SPATS2L: variants seen among roughly 807,000 people sequenced by gnomAD.
SPATS2L encodes the protein spermatogenesis associated serine rich 2 like.
A neutral mutation model predicts 59.6 loss-of-function variants in SPATS2L; 30 were observed. The ratio of observed to expected loss-of-function variants is 0.50; its 90% CI spans 0.38 to 0.68. SPATS2L has a LOEUF of 0.68. Ranked by LOEUF, SPATS2L falls within the 30% of genes least tolerant of loss-of-function variation. The pLI is 0.00. For synonymous variants in SPATS2L, 252 were observed against 263.5 expected (o/e 0.96, Z 0.42); for missense variants, 615 against 700.0 (o/e 0.88, Z 1.37).
chr2:200,422,568 AATG>A (rs2083356049), intron 6 of SPATS2L, among the ~76,000 whole-genome samples: 1 of 151,980 alleles, frequency 6.6e-6, no homozygotes. Context: ...AGGAAGAAGA[AATG>A]ATGGTAATGG....
At chr2:200,468,245 A>G (rs932914100) in intron 10 of SPATS2L, among the ~76,000 whole-genome samples, 1 of 151,962 alleles carries the variant, frequency 6.6e-6, no homozygotes, top group Admixed American at 6.6e-5. Context: ...GGGTACAGTT[A>G]CCAGAAGGGG....
chr2:200,446,562 C>T (rs2085062256), intron 8 of SPATS2L, among the ~76,000 whole-genome samples: 2 of 152,158 alleles, frequency 1.3e-5, no homozygotes, highest in South Asian at 4.1e-4. Context: ...CTAACCGTCT[C>T]TCCCACCTCT....
chr2:200,353,694 G>C (rs1014242177), intron 2 of SPATS2L, among the ~76,000 whole-genome samples: 1 of 152,008 alleles, frequency 6.6e-6, no homozygotes, highest in African/African-American at 2.4e-5. Flanking sequence ...AAATTCTGAA[G>C]GTATTTGCCA....
chr2:200,343,393 C>T (rs763217288), intron 2 of SPATS2L, among the ~76,000 whole-genome samples: 66 of 152,104 alleles, frequency 4.3e-4, no homozygotes, highest in Non-Finnish European at 8.8e-4. Flanking sequence ...ATTATGGATA[C>T]AAGCACATCT....
At chr2:200,331,641 C>T (rs528271270) in intron 2 of SPATS2L, among the ~76,000 whole-genome samples, 2 of 152,162 alleles carry the variant, frequency 1.3e-5, no homozygotes, top group South Asian at 2.1e-4. Flanking sequence ...TCAAGTTAGT[C>T]CCCCTCTCTG....
chr2:200,324,894 G>A (rs1271039899), intron 1 of SPATS2L, among the ~76,000 whole-genome samples: 2 of 152,008 alleles, frequency 1.3e-5, no homozygotes, highest in African/African-American at 4.8e-5. Flanking sequence ...GCTTTTCATG[G>A]TTTTGATATT....
chr2:200,357,841 T>C (rs1339867360), intron 2 of SPATS2L, among the ~76,000 whole-genome samples: 1 of 152,228 alleles, frequency 6.6e-6, no homozygotes, highest in Admixed American at 6.5e-5. Context: ...GAGCAATACA[T>C]GTCTCAAAGT....
At chr2:200,462,269 A>G (rs2086292801) in intron 9 of SPATS2L, among the ~76,000 whole-genome samples, 1 of 152,214 alleles carries the variant, frequency 6.6e-6, no homozygotes, top group Non-Finnish European at 1.5e-5. Context: ...TTGAGACATG[A>G]TAGTCTTTGA....
intron 3 of SPATS2L, among the ~76,000 whole-genome samples, chr2:200,396,041 T>A (rs1417397079): frequency 0.018 from 737 of 41,226 alleles, 11 homozygotes; most frequent in South Asian, 0.03. Context: ...AAAATATATA[T>A]ATATATATAT....
chr2:200,414,174 A>G (rs1166477563), intron 4 of SPATS2L, among the ~76,000 whole-genome samples: 1 of 152,024 alleles, frequency 6.6e-6, no homozygotes, highest in Non-Finnish European at 1.5e-5. Context: ...ATGCACAGTA[A>G]CTGATGGACT....
At chr2:200,360,975 G>A (rs1369312475) in intron 2 of SPATS2L, among the ~76,000 whole-genome samples, 3 of 150,880 alleles carry the variant, frequency 2.0e-5, no homozygotes, top group African/African-American at 7.3e-5. Context: ...GGCTGTGTGT[G>A]TGTGTGTGTG....
chr2:200,453,041 G>C (rs1335300506), intron 8 of SPATS2L, among the ~76,000 whole-genome samples: 1 of 152,218 alleles, frequency 6.6e-6, no homozygotes, highest in Admixed American at 6.5e-5. Context: ...GCCAAGGACT[G>C]GGTAATGTGC....
intron 3 of SPATS2L, among the ~76,000 whole-genome samples, chr2:200,411,143 A>G (rs2082863829): frequency 3.3e-5 from 5 of 152,056 alleles, no homozygotes; most frequent in Admixed American, 3.3e-4. Flanking sequence ...TTTACAAGTC[A>G]TATACCCACC....
At chr2:200,330,835 G>T (rs2079917383) in intron 2 of SPATS2L, among the ~76,000 whole-genome samples, 1 of 152,166 alleles carries the variant, frequency 6.6e-6, no homozygotes, top group Admixed American at 6.5e-5. Context: ...TGGAAAGCAG[G>T]AATGTTTTAC....
chr2:200,395,397 T>TGAC (rs1241679983), intron 3 of SPATS2L, among the ~76,000 whole-genome samples: 1 of 152,172 alleles, frequency 6.6e-6, no homozygotes, highest in East Asian at 1.9e-4. Context: ...TTCCAATGAG[T>TGAC]GACCTCTAAG....
chr2:200,465,346 A>G (rs928843328), intron 9 of SPATS2L, among the ~76,000 whole-genome samples: 8 of 152,244 alleles, frequency 5.3e-5, no homozygotes, highest in African/African-American at 1.7e-4. Flanking sequence ...GGAATCTTCT[A>G]ATTTTTAAAT....
At chr2:200,453,420 A>C (rs1033958725) in intron 8 of SPATS2L, among the ~76,000 whole-genome samples, 1 of 152,206 alleles carries the variant, frequency 6.6e-6, no homozygotes, top group African/African-American at 2.4e-5. Flanking sequence ...TGCAATTGAG[A>C]AATTGGTGAG....
intron 3 of SPATS2L, among the ~76,000 whole-genome samples, chr2:200,412,000 C>T (rs2082892461): frequency 1.3e-5 from 2 of 152,254 alleles, no homozygotes; most frequent in Non-Finnish European, 1.5e-5. Flanking sequence ...GAGAACACAT[C>T]TTGTATGCAT....
intron 2 of SPATS2L, among the ~76,000 whole-genome samples, chr2:200,333,120 T>A (rs571409592): frequency 1.0e-4 from 15 of 150,146 alleles, no homozygotes; most frequent in African/African-American, 3.5e-4. Flanking sequence ...TTTCTACAAA[T>A]ACAAAAAAAA....
Sources: gnomAD v4.1 joint callset for allele counts (sites outside exome capture counted in the v4.1 genomes callset) on GRCh38, gnomAD v4.1.1 for gene constraint, MANE v1.5 for transcripts, NCBI Gene and HGNC (gene_info 2026-07-23, HGNC 2026-07-21) for gene names.